Variants in TNFRSF10A observed in about 807,000 individuals in gnomAD.
TNFRSF10A encodes TNF receptor superfamily member 10a.
In TNFRSF10A, 44 loss-of-function variants were observed where a neutral mutation model predicts 42.8. The observed-to-expected ratio is 1.03, with a 90% CI of 0.81 to 1.32. TNFRSF10A has a LOEUF of 1.32. TNFRSF10A is among the 40% of genes most tolerant of loss of function. TNFRSF10A has a pLI of 0.00. For missense variants in TNFRSF10A, 680 were observed against 602.0 expected (o/e 1.13, Z -1.36); for synonymous variants, 259 against 234.2 (o/e 1.11, Z -0.97).
intron 2 of TNFRSF10A, among the ~76,000 whole-genome samples, chr8:23,204,067 G>A (rs117765581): frequency 3.3e-4 from 50 of 152,194 alleles, no homozygotes; most frequent in East Asian, 2.9e-3. Context: ...GTGAGCCACC[G>A]TGCCACTGTG....
intron 7 of TNFRSF10A, 62 bp downstream of exon 7, chr8:23,199,824 C>T: frequency 6.2e-7 from 1 of 1,611,654 alleles, no homozygotes; most frequent in Non-Finnish European, 8.5e-7. Context: ...CTGGACTACA[C>T]TGTGGGCAAG....
chr8:23,217,508 G>T (rs4496974), intron 1 of TNFRSF10A, among the ~76,000 whole-genome samples: 4 of 151,862 alleles, frequency 2.6e-5, no homozygotes, highest in Non-Finnish European at 5.9e-5. Context: ...GAGCCACTGC[G>T]CCCGGCCTGA....
chr8:23,218,657 G>A (rs1450602784), intron 1 of TNFRSF10A, among the ~76,000 whole-genome samples: 1 of 152,046 alleles, frequency 6.6e-6, no homozygotes, highest in Non-Finnish European at 1.5e-5. Flanking sequence ...ACCCCCAGCA[G>A]TGACCCAGCG....
intron 1 of TNFRSF10A, among the ~76,000 whole-genome samples, chr8:23,214,680 G>A (rs7814989): frequency 0.058 from 8,808 of 152,152 alleles, 641 homozygotes; most frequent in African/African-American, 0.18. Context: ...AATGTTTCAT[G>A]TACCCTTGAG....
chr8:23,215,547 C>T (rs1033886397), intron 1 of TNFRSF10A, among the ~76,000 whole-genome samples: 3 of 152,044 alleles, frequency 2.0e-5, no homozygotes, highest in Non-Finnish European at 4.4e-5. Flanking sequence ...AATAAATAAA[C>T]AAACAAAACA....
chr8:23,218,857 C>T (rs868222026), intron 1 of TNFRSF10A, among the ~76,000 whole-genome samples: 1 of 152,192 alleles, frequency 6.6e-6, no homozygotes, highest in Non-Finnish European at 1.5e-5. Flanking sequence ...CCTGTACAGT[C>T]TGGTTGTATG....
At chr8:23,205,829 G>A (rs758971391) in intron 2 of TNFRSF10A, among the ~76,000 whole-genome samples, 5 of 150,388 alleles carry the variant, frequency 3.3e-5, no homozygotes, top group Non-Finnish European at 7.4e-5. Context: ...TCCTGCCTCA[G>A]CCTCAGCCTC....
intron 1 of TNFRSF10A, among the ~76,000 whole-genome samples, chr8:23,220,695 A>G (rs1036279767): frequency 6.6e-6 from 1 of 152,178 alleles, no homozygotes; most frequent in African/African-American, 2.4e-5. Flanking sequence ...AACTGAAGGC[A>G]CTGGCATTTT....
At chr8:23,199,490 G>T (rs780359421) in intron 7 of TNFRSF10A, 42 bp from the exon 8 acceptor site, 1 of 1,596,116 alleles carries the variant, frequency 6.3e-7, no homozygotes, top group South Asian at 1.1e-5. Flanking sequence ...CACACCCAGG[G>T]CTCCCCACGG....
At chr8:23,210,397 A>C (rs1298609503) in intron 2 of TNFRSF10A, among the ~76,000 whole-genome samples, 1 of 152,114 alleles carries the variant, frequency 6.6e-6, no homozygotes, top group Non-Finnish European at 1.5e-5. Context: ...AAAAAGAATT[A>C]TAGGCTGGGC....
At chr8:23,218,620 G>A (rs906102848) in intron 1 of TNFRSF10A, among the ~76,000 whole-genome samples, 1 of 151,754 alleles carries the variant, frequency 6.6e-6, no homozygotes, top group African/African-American at 2.4e-5. Flanking sequence ...CTGGAAATAA[G>A]AGGTGGCTTT....
At chr8:23,193,688 T>C (rs1346642735) in intron 9 of TNFRSF10A, among the ~76,000 whole-genome samples, 2 of 152,162 alleles carry the variant, frequency 1.3e-5, no homozygotes, top group East Asian at 1.9e-4. Flanking sequence ...TGATCAAACC[T>C]AACCAATGGA....
intron 2 of TNFRSF10A, among the ~76,000 whole-genome samples, chr8:23,203,723 G>A (rs1162061136): frequency 6.6e-6 from 1 of 152,092 alleles, no homozygotes; most frequent in East Asian, 1.9e-4. Context: ...TTATAAAAAT[G>A]TGGTTATTGA....
chr8:23,223,068 AT>A (rs1019906115), intron 1 of TNFRSF10A, among the ~76,000 whole-genome samples: 1 of 151,662 alleles, frequency 6.6e-6, no homozygotes, highest in African/African-American at 2.4e-5. Flanking sequence ...TTTCTTTTTT[AT>A]TTTTTTTCTT....
rs1056949834 is a variant in TNFRSF10A at position 23,191,514 on chromosome 8, G to A, written c.*180C>T. ...GGCATTTCACGATGTTGGTCAGGCT[G>A]GTCTTGAACTTCTGACCTCAAGTGA... is the stretch of plus-strand genomic sequence containing the variant. On this transcript the variant is annotated 3_prime_UTR_variant, in exon 10 of 10. Coordinates refer to ENST00000221132, the MANE Select transcript of TNFRSF10A (RefSeq NM_003844.4). 1.3e-5 allele frequency: 10 copies of A among 790,946 alleles called. No homozygotes were observed. The African/African-American group carries it at 1.7e-4, about 14-fold the overall frequency. The allele number at this position is 790,946 out of a possible 1,614,324, so 49.0% of individuals were successfully genotyped here.
chr8:23,199,325 C>T lies in TNFRSF10A; in HGVS notation c.955G>A (p.Glu319Lys). 1 of 1,614,234 alleles carries T rather than the reference C, an allele frequency of 6.2e-7. No individual in the cohort carries two copies. ...FVSEQQMESQ[E>K]PADLTGVTVQ... ...GTGACACCTGTCAAATCTGCCGGCT[C>T]CTGGCTTTCCATTTGCTGCTCAGAG... is the stretch of plus-strand genomic sequence containing the variant. Residue 319 changes from glutamate (E) to lysine (K), a missense_variant, in exon 8 of 10, where the codon GAG (glutamate) becomes AAG (lysine). Transcript: ENST00000221132.
chr8:23,191,781 T>G lies in TNFRSF10A; in HGVS notation c.1320A>C (p.Ala440=), dbSNP rs763186520. 1.2e-6 allele frequency: 2 copies of G among 1,614,048 alleles called. No homozygotes were observed. The highest frequency in any genetic ancestry group is 1.7e-6 in the Non-Finnish European group (2 of 1,180,032). ...CCAAGAGGTCCTGAATCTTCTCTCT[T>G]GCATGTCTCTCTTCCATCCTCTCCA... ...DALERMEERH[A]REKIQDLLVD... is the part of the protein sequence containing the mutation. The change falls in exon 10 of 10, where the codon GCA becomes GCC. Residue 440 remains alanine, a synonymous_variant. Transcript: ENST00000221132.
chr8:23,218,061 G>A (rs1226768745), intron 1 of TNFRSF10A, among the ~76,000 whole-genome samples: 1 of 152,174 alleles, frequency 6.6e-6, no homozygotes. Flanking sequence ...GAGGTTTGTG[G>A]GCGTCTGATT....
At chr8:23,196,097 G>A (rs1800819557) in intron 9 of TNFRSF10A, among the ~76,000 whole-genome samples, 1 of 152,130 alleles carries the variant, frequency 6.6e-6, no homozygotes, top group South Asian at 2.1e-4. Context: ...TCAAAGAACT[G>A]AAACTTACAA....
Sources: gnomAD v4.1 joint callset for allele counts (sites outside exome capture counted in the v4.1 genomes callset) on GRCh38, gnomAD v4.1.1 for gene constraint, MANE v1.5 for transcripts, NCBI Gene and HGNC (gene_info 2026-07-23, HGNC 2026-07-21) for gene names.